ARL6IP5: variants seen among roughly 807,000 people sequenced by gnomAD.
ARL6IP5 encodes ARF like GTPase 6 interacting protein 5.
In ARL6IP5, 6 loss-of-function variants were observed where a neutral mutation model predicts 13.0. The observed-to-expected ratio is 0.46, with a 90% CI of 0.25 to 0.91. ARL6IP5 has a LOEUF of 0.91. ARL6IP5 is among the 40% of genes least tolerant of loss of function. The pLI is 0.17. For synonymous variants in ARL6IP5, 91 were observed against 91.9 expected, an observed-to-expected ratio of 0.99 and a Z score of 0.06; for missense variants, 208 against 248.8, an observed-to-expected ratio of 0.84 and a Z score of 1.10.
At chr3:69,099,909 C>T (rs2092300071) in intron 1 of ARL6IP5, 1 of 152,756 alleles carries the variant, frequency 6.5e-6, no homozygotes, top group Non-Finnish European at 1.5e-5. Context: ...ATGCCCAAAA[C>T]TTTGTCTAAA....
In ARL6IP5 at chr3:69,104,876, A is replaced by C. The variant is rs1451363570; in HGVS notation, c.*240A>C. The C allele has an allele frequency of 1.4e-6, 1 of 703,702 alleles. No homozygotes were observed. The highest frequency in any genetic ancestry group is 2.6e-6 in the Non-Finnish European group (1 of 385,946). 43.6% of individuals were successfully genotyped at this position (703,702 alleles called of 1,614,324 possible). ...CTGAAGTTTCACGTGTGTTTATGAA[A>C]TCTAATGGGAAATGGATCACACGAT... On this transcript the variant is annotated 3_prime_UTR_variant, in exon 3 of 3. Transcript: ENST00000273258.
chr3:69,101,882 G>A lies in ARL6IP5; in HGVS notation c.220G>A (p.Val74Met). ...FNMILGGIVV[V>M]LVFTGFVWAA... ...CATGATCCTGGGAGGAATCGTGGTG[G>A]TGCTGGTGTTCACAGGGTTTGTGTG... The change falls in exon 2 of 3, where the codon GTG becomes ATG. Residue 74 changes from valine to methionine, a missense_variant. By Grantham distance (21) the Val-to-Met change is conservative. Transcript: ENST00000273258. 6.2e-7 allele frequency: 1 copy of A among 1,613,822 alleles called. No homozygotes were observed. The highest frequency in any genetic ancestry group is 8.5e-7 in the Non-Finnish European group (1 of 1,179,882).
At chr3:69,098,193 C>T (rs2092293123) in intron 1 of ARL6IP5, among the ~76,000 whole-genome samples, 1 of 149,174 alleles carries the variant, frequency 6.7e-6, no homozygotes. Flanking sequence ...TCTCCTGCCT[C>T]AGCCTACCAA....
chr3:69,089,243 CTGT>C, intron 1 of ARL6IP5, among the ~76,000 whole-genome samples: 1 of 152,260 alleles, frequency 6.6e-6, no homozygotes, highest in African/African-American at 2.4e-5. Flanking sequence ...GTCCAGGCAT[CTGT>C]TGTTTTTTTC....
chr3:69,086,064 A>G (rs532328581), intron 1 of ARL6IP5, among the ~76,000 whole-genome samples: 26 of 152,162 alleles, frequency 1.7e-4, no homozygotes, highest in Non-Finnish European at 3.2e-4. Context: ...ATTATCTCCT[A>G]CACATCTTTA....
chr3:69,090,137 C>A (rs2092260621), intron 1 of ARL6IP5, among the ~76,000 whole-genome samples: 1 of 152,142 alleles, frequency 6.6e-6, no homozygotes, highest in African/African-American at 2.4e-5. Flanking sequence ...AGATGAAGAA[C>A]CAAGTTTCCA....
rs372018529 is a variant in ARL6IP5, at chr3:69,101,989, C to T, written c.327C>T (p.Ser109=). The change falls in exon 2 of 3, where the codon AGC becomes AGT. Residue 109 remains serine, a synonymous_variant. Transcript: ENST00000273258. ...TCGTTATGGTGGTCATGTTGGCGAGCTATTTCCTTATCTCCATGTTTGGAG... is the reference window on the plus strand; with the variant it reads ...TCGTTATGGTGGTCATGTTGGCGAGTTATTTCCTTATCTCCATGTTTGGAG... ...TTFVMVVMLA[S]YFLISMFGGV... The T allele has an allele frequency of 3.1e-6, 5 of 1,614,118 alleles. No individual in the cohort carries two copies. The highest frequency in any genetic ancestry group is 4.2e-6 in the Non-Finnish European group (5 of 1,180,022).
chr3:69,086,722 C>CT (rs1207661746), intron 1 of ARL6IP5, among the ~76,000 whole-genome samples: 18,660 of 132,402 alleles, frequency 0.14, 1,473 homozygotes, highest in East Asian at 0.3. Flanking sequence ...TAAAAAATTT[C>CT]TTTTTTTTTT....
chr3:69,090,048 G>A (rs1356773293), intron 1 of ARL6IP5: 2 of 347,162 alleles, frequency 5.8e-6, no homozygotes, highest in East Asian at 1.5e-4. Context: ...TGGTGGCTCT[G>A]TAATATGTTC....
chr3:69,087,493 A>T (rs1250759745), intron 1 of ARL6IP5, among the ~76,000 whole-genome samples: 2 of 151,944 alleles, frequency 1.3e-5, no homozygotes, highest in African/African-American at 4.8e-5. Flanking sequence ...AAAAAAAAAA[A>T]GTCTATTTTC....
chr3:69,104,496 A>ATTTTAAT lies in ARL6IP5; in HGVS notation c.427_428insTTTTAAT (p.Asn143IlefsTer11), dbSNP rs1482699956. 1 of 1,614,034 alleles carries ATTTTAAT rather than the reference A, an allele frequency of 6.2e-7. No individual in the cohort carries two copies. The highest frequency in any genetic ancestry group is 1.1e-5 in the South Asian group (1 of 91,064). On this transcript the variant is annotated frameshift_variant, in exon 3 of 3. Coordinates refer to ENST00000273258, the MANE Select transcript of ARL6IP5 (RefSeq NM_006407.4). LOFTEE classifies it high-confidence loss of function. ...TATCCATGCATCGTTGAGACTTCGG[A>ATTTTAAT]ACCTCAAGAACAAACTGGAGAATAA...
At chr3:69,086,049 T>G (rs1559651683) in intron 1 of ARL6IP5, among the ~76,000 whole-genome samples, 2 of 152,196 alleles carry the variant, frequency 1.3e-5, no homozygotes, top group African/African-American at 2.4e-5. Flanking sequence ...TTCTCAATCT[T>G]GCTGATTATC....
At position 69,106,025 on chromosome 3, in the gene ARL6IP5, G is replaced by T. The variant is rs1374388553; in HGVS notation, c.*1389G>T. 1 of 152,156 alleles carries T rather than the reference G, an allele frequency of 6.6e-6. No homozygotes were observed. The highest frequency in any genetic ancestry group is 2.4e-5 in the African/African-American group (1 of 41,424). 9.4% of individuals were successfully genotyped at this position (152,156 alleles called of 1,614,324 possible). The stretch of plus-strand genomic sequence containing the variant: ...ACTTCACAGACATGGTCTAGAATCT[G>T]TACCCTTACCCACATATGAAGAATA... On this transcript the variant is annotated 3_prime_UTR_variant, in exon 3 of 3. Transcript: ENST00000273258.
chr3:69,097,011 T>G (rs1048091952), intron 1 of ARL6IP5, among the ~76,000 whole-genome samples: 5 of 152,304 alleles, frequency 3.3e-5, no homozygotes, highest in Non-Finnish European at 7.4e-5. Context: ...CAATTTCATT[T>G]GTTCATTTTT....
At chr3:69,097,401 T>C (rs2092290653) in intron 1 of ARL6IP5, among the ~76,000 whole-genome samples, 1 of 151,190 alleles carries the variant, frequency 6.6e-6, no homozygotes, top group Non-Finnish European at 1.5e-5. Context: ...CTCAAACTCC[T>C]GGGCTCAAGC....
In ARL6IP5 at chr3:69,104,593, G is replaced by A. The variant is rs1362925268; in HGVS notation, c.524G>A (p.Gly175Asp). Reference sequence around the variant, plus strand: ...GATGCCCTAGAACAGCAGGAAGAAGGCATCAACAGACTCACTGACTATATC... The same window carrying A: ...GATGCCCTAGAACAGCAGGAAGAAGACATCAACAGACTCACTGACTATATC... Reference protein sequence around the residue: ...VLDALEQQEEGINRLTDYISK... With the variant: ...VLDALEQQEEDINRLTDYISK... The change falls in exon 3 of 3, where the codon GGC (glycine) becomes GAC (aspartate). Residue 175 changes from glycine (G) to aspartate (D), a missense_variant. Physicochemically the swap from Gly to Asp is moderately conservative, Grantham distance 94. Coordinates refer to ENST00000273258, the MANE Select transcript of ARL6IP5 (RefSeq NM_006407.4). 1 of 1,613,998 alleles carries A rather than the reference G, an allele frequency of 6.2e-7. No homozygotes were observed. The highest frequency in any genetic ancestry group is 1.3e-5 in the African/African-American group (1 of 74,920).
At chr3:69,102,472 C>G (rs1434648697) in intron 2 of ARL6IP5, among the ~76,000 whole-genome samples, 1 of 152,176 alleles carries the variant, frequency 6.6e-6, no homozygotes, top group Non-Finnish European at 1.5e-5. Flanking sequence ...GTTGCCCAGG[C>G]TGATCTCGGA....
Position 69,094,062 on chromosome 3 carries a change from G to T in ARL6IP5, c.177-7777G>T, listed in dbSNP as rs867915406. On this transcript the variant is annotated intron_variant, in intron 1 of 2. Coordinates refer to ENST00000273258, the MANE Select transcript of ARL6IP5 (RefSeq NM_006407.4). Reference sequence around the variant, plus strand: ...GGGTGGAGTGAGGCCTGTGTGCAAAGTATCCTCTCTGCCTGATTCACCTCA... The same window carrying T: ...GGGTGGAGTGAGGCCTGTGTGCAAATTATCCTCTCTGCCTGATTCACCTCA... Among the ~76,000 whole-genome samples the T allele has an allele frequency of 7.2e-5, 11 of 152,308 alleles. No homozygotes were observed. In the South Asian group the frequency reaches 8.3e-4, roughly 11 times the overall value.
intron 1 of ARL6IP5, among the ~76,000 whole-genome samples, chr3:69,091,638 T>C (rs976931475): frequency 6.9e-6 from 1 of 145,970 alleles, no homozygotes; most frequent in Non-Finnish European, 1.5e-5. Flanking sequence ...TGAACTTCTC[T>C]CCCCTCTCCG....
Sources: allele counts gnomAD v4.1 joint callset (sites outside exome capture counted in the v4.1 genomes callset), GRCh38; gene constraint gnomAD v4.1.1; transcripts MANE v1.5; gene names NCBI Gene and HGNC (gene_info 2026-07-23, HGNC 2026-07-21).